The following GLG1 variants were observed in gnomAD, a reference collection of about 807,000 sequenced individuals.
The protein encoded by GLG1 is golgi glycoprotein 1, also known as Golgi apparatus protein 1.
A neutral mutation model predicts 160.5 loss-of-function variants in GLG1; 38 were observed. The ratio of observed to expected loss-of-function variants is 0.24; its 90% confidence interval spans 0.18 to 0.31. GLG1 has a LOEUF of 0.31. Among genes scored for constraint, GLG1 ranks in the 10% least tolerant of loss-of-function variants. The pLI is 1.00. For missense variants in GLG1, 1,373 were observed against 1,505.2 expected (o/e 0.91, Z 1.45); for synonymous variants, 644 against 543.4 (o/e 1.19, Z -2.57).
At chr16:74,598,614 C>T (rs965851442) in intron 1 of GLG1, among the ~76,000 whole-genome samples, 54 of 151,710 alleles carry the variant, frequency 3.6e-4, no homozygotes, top group African/African-American at 1.2e-3. Context: ...TAAATAAGGC[C>T]GGGCGCGGTG....
chr16:74,508,697 C>A, intron 3 of GLG1, 142 bp downstream of exon 3: 3 of 565,612 alleles, frequency 5.3e-6, no homozygotes. Flanking sequence ...CTAATTACAC[C>A]CCCCAACTTC....
At chr16:74,491,466 T>C (rs1427181734) in intron 7 of GLG1, among the ~76,000 whole-genome samples, 1 of 152,136 alleles carries the variant, frequency 6.6e-6, no homozygotes, top group Admixed American at 6.6e-5. Context: ...ATAATGCAAA[T>C]GCTTTGCCCA....
chr16:74,498,833 C>G (rs1334007841), intron 4 of GLG1, among the ~76,000 whole-genome samples: 1 of 111,200 alleles, frequency 9.0e-6, no homozygotes, highest in Non-Finnish European at 1.7e-5. Flanking sequence ...CCACTGCACT[C>G]CAGCATAGAC....
At chr16:74,573,541 G>A (rs1231932859) in intron 1 of GLG1, among the ~76,000 whole-genome samples, 1 of 148,912 alleles carries the variant, frequency 6.7e-6, no homozygotes, top group Non-Finnish European at 1.5e-5. Flanking sequence ...TCTAAAGCTG[G>A]CATGAATCCT....
At chr16:74,489,367 AG>A (rs1475437015) in intron 8 of GLG1, among the ~76,000 whole-genome samples, 1 of 151,812 alleles carries the variant, frequency 6.6e-6, no homozygotes, top group African/African-American at 2.4e-5. Flanking sequence ...GCTACTCAGG[AG>A]GTTGAGGCAG....
Position 74,477,527 on chromosome 16 carries a change from G to A in GLG1, c.1834C>T (p.Arg612Trp), listed in dbSNP as rs780504813. The A allele has an allele frequency of 5.0e-6, 8 of 1,611,670 alleles. No individual in the cohort carries two copies. The highest frequency in any genetic ancestry group is 5.9e-6 in the Non-Finnish European group (7 of 1,178,554). Residue 612 changes from arginine (R) to tryptophan (W), a missense_variant, in exon 12 of 26, where the codon CGG becomes TGG. Around this residue, in one of 4 missense-constraint regions of GLG1, gnomAD observed 386 missense variants for 388.5 expected, o/e 0.99. Coordinates refer to ENST00000422840, the MANE Select transcript of GLG1 (RefSeq NM_001145667.2). ...CTTTGGACTTCAGCTCGGCACTCCC[G>A]TGAGAGCTGCATGAGAAAAAATGAG... Reference protein sequence around the residue: ...RTEEQGRRLSRECRAEVQRIL... With the variant: ...RTEEQGRRLSWECRAEVQRIL...
At chr16:74,456,610 T>G in intron 25 of GLG1, 39 bp downstream of exon 25, 1 of 1,223,262 alleles carries the variant, frequency 8.2e-7, no homozygotes, top group Admixed American at 1.8e-5. Context: ...TTCCATATTT[T>G]TTTGTTTTTT....
At chr16:74,550,193 T>C (rs993897015) in intron 1 of GLG1, among the ~76,000 whole-genome samples, 3 of 152,184 alleles carry the variant, frequency 2.0e-5, no homozygotes, top group African/African-American at 7.2e-5. Context: ...TACTTATTGA[T>C]TGTGCTTTCC....
intron 1 of GLG1, among the ~76,000 whole-genome samples, chr16:74,573,539 T>C (rs1215063658): frequency 6.6e-6 from 1 of 150,954 alleles, no homozygotes; most frequent in Non-Finnish European, 1.5e-5. Flanking sequence ...TATCTAAAGC[T>C]GGCATGAATC....
chr16:74,513,328 T>C (rs2016873443), intron 2 of GLG1, among the ~76,000 whole-genome samples: 1 of 151,714 alleles, frequency 6.6e-6, no homozygotes, highest in South Asian at 2.1e-4. Context: ...AAGGGAAAAA[T>C]TTCCTTCAGT....
rs12102294 is a variant in GLG1, at chr16:74,569,873, A to C, written c.438+36784T>G. Reference sequence around the variant, plus strand: ...TGAAACTCCAACTCAAAAAAAAAAAAAGAAAAAAAAAAAAAAGCAACGGTT... The same window carrying C: ...TGAAACTCCAACTCAAAAAAAAAAACAGAAAAAAAAAAAAAAGCAACGGTT... On this transcript the variant is annotated intron_variant, in intron 1 of 25. Coordinates refer to ENST00000422840, the MANE Select transcript of GLG1 (RefSeq NM_001145667.2). Among the ~76,000 whole-genome samples, 1,051 of 150,938 alleles carry C rather than the reference A, an allele frequency of 7.0e-3. 12 individuals carry two copies. Among genetic ancestry groups the C allele is most frequent in the African/African-American group, 0.024 (989 of 41,098 alleles).
intron 8 of GLG1, among the ~76,000 whole-genome samples, chr16:74,488,137 A>C (rs1459689044): frequency 1.3e-5 from 2 of 152,168 alleles, no homozygotes; most frequent in Non-Finnish European, 2.9e-5. Context: ...ACAGCTTACT[A>C]CCTGCTGAGA....
chr16:74,496,040 G>C (rs565769902), intron 5 of GLG1, among the ~76,000 whole-genome samples: 2 of 152,266 alleles, frequency 1.3e-5, no homozygotes, highest in African/African-American at 2.4e-5. Context: ...AGAGGGAGGA[G>C]ATCACCTCAG....
chr16:74,587,962 A>C, intron 1 of GLG1, among the ~76,000 whole-genome samples: 1 of 152,342 alleles, frequency 6.6e-6, no homozygotes, highest in Non-Finnish European at 1.5e-5. Flanking sequence ...AAACGTCTAT[A>C]GGTGAAATAT....
Position 74,480,363 on chromosome 16 carries a change from C to G in GLG1, c.1705G>C (p.Gly569Arg). 1 of 1,613,474 alleles carries G rather than the reference C, an allele frequency of 6.2e-7. No individual in the cohort carries two copies. The highest frequency in any genetic ancestry group is 8.5e-7 in the Non-Finnish European group (1 of 1,179,462). ...GTGTGGCAAAGACGAGAAGCGTCTC[C>G]CTGGCACTTGCGGTACAGGACAGGG... ...LDPVLYRKCQGDASRLCHTHG... is the reference protein window; with the variant it reads ...LDPVLYRKCQRDASRLCHTHG... The change falls in exon 11 of 26, where the codon GGA becomes CGA. Residue 569 changes from glycine to arginine, a missense_variant. Transcript: ENST00000422840.
In GLG1 at chr16:74,496,519, C is replaced by G. The variant is rs1329542060; in HGVS notation, c.900G>C (p.Glu300Asp). 6.2e-7 allele frequency: 1 copy of G among 1,613,832 alleles called. No individual in the cohort carries two copies. Among genetic ancestry groups the G allele is most frequent in the Non-Finnish European group, 8.5e-7 (1 of 1,179,868 alleles). Reference sequence around the variant, plus strand: ...CTAAGTGAAAGTCATCCGATGACAGCTCAGCCACCCGGAGAATGGCTTTCT... The same window carrying G: ...CTAAGTGAAAGTCATCCGATGACAGGTCAGCCACCCGGAGAATGGCTTTCT... The part of the protein sequence containing the change: ...LCKKAILRVA[E>D]LSSDDFHLDR... Residue 300 changes from glutamate (E) to aspartate (D), a missense_variant, in exon 5 of 26, where the codon GAG becomes GAC. Physicochemically the swap from Glu to Asp is conservative, Grantham distance 45 (BLOSUM62 2). Transcript: ENST00000422840.
chr16:74,514,873 T>TA (rs2090168950), intron 2 of GLG1, among the ~76,000 whole-genome samples: 1 of 152,024 alleles, frequency 6.6e-6, no homozygotes, highest in Non-Finnish European at 1.5e-5. Context: ...GACCCATCAG[T>TA]ATGCTGTATT....
At chr16:74,507,488 G>C (rs1341502129) in intron 3 of GLG1, among the ~76,000 whole-genome samples, 1 of 152,154 alleles carries the variant, frequency 6.6e-6, no homozygotes, top group African/African-American at 2.4e-5. Context: ...TGTAATCCCA[G>C]CACTTTGGGA....
In GLG1 at chr16:74,483,858, A is replaced by T. The variant is rs1213487290; in HGVS notation, c.1572-734T>A. 5.3e-5 allele frequency among the ~76,000 whole-genome samples: 8 copies of T among 151,912 alleles called. No individual in the cohort carries two copies. The East Asian group carries it at 1.5e-3, about 29-fold the overall frequency. On this transcript the variant is annotated intron_variant, in intron 9 of 25. Coordinates refer to ENST00000422840, the MANE Select transcript of GLG1 (RefSeq NM_001145667.2). ...GTATTTTTAGTAGAGATGGGGTTTC[A>T]CTGTGTTAGCCAGGATGGTCTCGAT...
Sources: gnomAD v4.1 joint callset for allele counts (sites outside exome capture counted in the v4.1 genomes callset) on GRCh38, gnomAD v4.1.1 for gene constraint, gnomAD v4.1.1 regional missense constraint, MANE v1.5 for transcripts, NCBI Gene and HGNC (gene_info 2026-07-23, HGNC 2026-07-21) for gene names.